Variants in ANXA2 observed in about 807,000 individuals in gnomAD.
The protein encoded by ANXA2 is annexin II.
In ANXA2, 28 loss-of-function variants were observed where a neutral mutation model predicts 47.3. The observed-to-expected ratio is 0.59, with a 90% CI of 0.44 to 0.81. The LOEUF (loss-of-function observed/expected upper bound fraction) is 0.81. Among genes scored for constraint, ANXA2 ranks in the 40% least tolerant of loss-of-function variants. The pLI, the probability that ANXA2 is intolerant of heterozygous loss-of-function variation, is 0.00. For synonymous variants in ANXA2, 172 were observed against 155.5 expected, an observed-to-expected ratio of 1.11 and a Z score of -0.79; for missense variants, 384 against 414.3, an observed-to-expected ratio of 0.93 and a Z score of 0.64.
At position 60,357,338 on chromosome 15, in the gene ANXA2, G is replaced by A. The variant is rs1246197804; in HGVS notation, c.358-102C>T. The A allele has an allele frequency of 1.4e-5, 12 of 878,146 alleles. No homozygotes were observed. In the East Asian group the frequency reaches 1.5e-4, roughly 11 times the overall value. The allele number at this position is 878,146 out of a possible 1,614,324, so 54.4% of individuals were successfully genotyped here. ...TAAATTGCAAACATGGATTGGGTCT[G>A]TTAGCATCCTGCTTTCTACATTCCT... On this transcript the variant is annotated intron_variant, in intron 5 of 12. Transcript: ENST00000451270.
rs569776717 is a variant in ANXA2 at position 60,352,480 on chromosome 15, C to T, written c.589-4G>A. The T allele has an allele frequency of 9.3e-6, 15 of 1,608,160 alleles. No homozygotes were observed. Among genetic ancestry groups the T allele is most frequent in the East Asian group, 4.5e-5 (2 of 44,832 alleles). Reference sequence around the variant, plus strand: ...TCACTCCAGCGTCATAGAGATCCTACGAGTACAACCAACCAGGAAAAGTTA... The same window carrying T: ...TCACTCCAGCGTCATAGAGATCCTATGAGTACAACCAACCAGGAAAAGTTA... On this transcript the variant is annotated splice_polypyrimidine_tract_variant and splice_region_variant and intron_variant, in intron 8 of 12. Coordinates refer to ENST00000451270, the MANE Select transcript of ANXA2 (RefSeq NM_004039.3). The surrounding 1 kb of genome is among the most constrained non-coding windows in gnomAD (Gnocchi z 4.2).
chr15:60,347,859 G>A (rs1364601633), intron 12 of ANXA2, among the ~76,000 whole-genome samples, 170 bp from the exon 13 acceptor site: 2 of 152,218 alleles, frequency 1.3e-5, no homozygotes, highest in African/African-American at 4.8e-5. Context: ...CCAAACCATT[G>A]CCAGGGAAGC....
intron 12 of ANXA2, 121 bp downstream of exon 12, chr15:60,348,952 ATC>A: frequency 9.0e-7 from 1 of 1,116,326 alleles, no homozygotes; most frequent in East Asian, 2.4e-5. Flanking sequence ...GATGACTAGC[ATC>A]TCTTCCCCAG....
chr15:60,373,577 C>T (rs1270726426), intron 3 of ANXA2, among the ~76,000 whole-genome samples: 1 of 152,182 alleles, frequency 6.6e-6, no homozygotes, highest in Admixed American at 6.5e-5. Context: ...CTCATCAAGA[C>T]AGGACACCCA....
chr15:60,349,871 G>A (rs542736414), intron 11 of ANXA2, among the ~76,000 whole-genome samples: 50 of 111,310 alleles, frequency 4.5e-4, no homozygotes, highest in African/African-American at 1.0e-3. Flanking sequence ...GGGAGGCAGG[G>A]GAAGGCAAGG....
chr15:60,376,684 G>A (rs1385383356), intron 3 of ANXA2, among the ~76,000 whole-genome samples: 4 of 152,190 alleles, frequency 2.6e-5, no homozygotes, highest in Non-Finnish European at 5.9e-5. Context: ...AGGTGTGACT[G>A]ACAGTTCGTC....
At position 60,354,216 on chromosome 15, in the gene ANXA2, A is replaced by G. The variant is rs2062390163; in HGVS notation, c.529-3T>C. Reference sequence around the variant, plus strand: ...GAGCCATCCTCTGCTCTTCTACCCTATGGGGGAAAGAAAAAGAACTTCAAA... The same window carrying G: ...GAGCCATCCTCTGCTCTTCTACCCTGTGGGGGAAAGAAAAAGAACTTCAAA... On this transcript the variant is annotated splice_region_variant and splice_polypyrimidine_tract_variant and intron_variant, in intron 7 of 12. Coordinates refer to ENST00000451270, the MANE Select transcript of ANXA2 (RefSeq NM_004039.3). The G allele has an allele frequency of 6.2e-7, 1 of 1,605,026 alleles. No homozygotes were observed. The highest frequency in any genetic ancestry group is 8.5e-7 in the Non-Finnish European group (1 of 1,176,150).
intron 3 of ANXA2, among the ~76,000 whole-genome samples, chr15:60,375,333 C>T (rs1404440107): frequency 2.0e-5 from 3 of 152,150 alleles, no homozygotes; most frequent in African/African-American, 7.2e-5. Context: ...ATTACCCTCC[C>T]CTTCCAGAGA....
At chr15:60,364,287 G>A (rs1269704865) in intron 4 of ANXA2, 142 bp downstream of exon 4, 22 of 710,086 alleles carry the variant, frequency 3.1e-5, no homozygotes, top group South Asian at 4.9e-5. Flanking sequence ...CTCTTACAAG[G>A]ATTTAAGAAG....
chr15:60,368,914 G>T (rs1366105680), intron 3 of ANXA2, among the ~76,000 whole-genome samples: 1 of 152,178 alleles, frequency 6.6e-6, no homozygotes, highest in African/African-American at 2.4e-5. Context: ...ATTCTCTTCA[G>T]TTTCCAAACA....
chr15:60,397,353 A>G (rs2063094366), intron 1 of ANXA2: 1 of 983,844 alleles, frequency 1.0e-6, no homozygotes, highest in Non-Finnish European at 1.2e-6. Context: ...AGCAAGGGGA[A>G]TAACTGACGT....
At chr15:60,367,390 A>G (rs1241630653) in intron 3 of ANXA2, among the ~76,000 whole-genome samples, 2 of 10,824 alleles carry the variant, frequency 1.8e-4, no homozygotes, top group African/African-American at 4.6e-4. Context: ...TCCGGGAGGG[A>G]GGCGGGGGGG....
At position 60,394,879 on chromosome 15, in the gene ANXA2, T is replaced by C. The variant is rs115677987; in HGVS notation, c.-12+3064A>G. Among the ~76,000 whole-genome samples, 406 of 152,182 alleles carry C rather than the reference T, an allele frequency of 2.7e-3. 1 individual carries two copies. The highest frequency in any genetic ancestry group is 9.3e-3 in the African/African-American group (385 of 41,520). ...TCTGGCAACAGCAGAAGAAAAAAGATACCAGGCAGTGAATGGGTGGAAAGA... is the reference window on the plus strand; with the variant it reads ...TCTGGCAACAGCAGAAGAAAAAAGACACCAGGCAGTGAATGGGTGGAAAGA... On this transcript the variant is annotated intron_variant, in intron 1 of 12. Transcript: ENST00000451270.
At chr15:60,371,874 G>T (rs1002578218) in intron 3 of ANXA2, among the ~76,000 whole-genome samples, 1 of 152,148 alleles carries the variant, frequency 6.6e-6, no homozygotes, top group Non-Finnish European at 1.5e-5. Flanking sequence ...ACCTTTTGCC[G>T]GGCGCGGTGG....
chr15:60,357,229 C>T lies in ANXA2; in HGVS notation c.365G>A (p.Gly122Glu). Residue 122 changes from glycine to glutamate, a missense_variant, in exon 6 of 13, where the codon GGA becomes GAA. Physicochemically the swap from Gly to Glu is moderately conservative, Grantham distance 98. Transcript: ENST00000451270. ...CTCAATGAGAGAGTCCTCGTCGGTT[C>T]CCAGCCCCTGTGAACCAGGAAGCAC... Reference protein sequence around the residue: ...SELKASMKGLGTDEDSLIEII... With the variant: ...SELKASMKGLETDEDSLIEII... The T allele has an allele frequency of 6.2e-7, 1 of 1,614,076 alleles. No individual in the cohort carries two copies. The highest frequency in any genetic ancestry group is 8.5e-7 in the Non-Finnish European group (1 of 1,179,976).
chr15:60,371,150 G>T (rs192413703), intron 3 of ANXA2, among the ~76,000 whole-genome samples: 1 of 152,158 alleles, frequency 6.6e-6, no homozygotes, highest in Admixed American at 6.5e-5. Context: ...GCATTTACTC[G>T]TTGAACGAAA....
chr15:60,371,663 C>G (rs189416158), intron 3 of ANXA2, among the ~76,000 whole-genome samples: 1 of 152,164 alleles, frequency 6.6e-6, no homozygotes, highest in African/African-American at 2.4e-5. Flanking sequence ...CAAAGGAAAA[C>G]TGTCCAGATC....
At chr15:60,355,117 G>A (rs570933099) in intron 7 of ANXA2, among the ~76,000 whole-genome samples, 2 of 152,302 alleles carry the variant, frequency 1.3e-5, no homozygotes, top group Admixed American at 6.5e-5. Context: ...CGGGAAAGAT[G>A]AGCAAAGAAG....
At chr15:60,394,147 AG>A (rs372505810) in intron 1 of ANXA2, among the ~76,000 whole-genome samples, 59 of 152,292 alleles carry the variant, frequency 3.9e-4, no homozygotes, top group African/African-American at 1.4e-3. Flanking sequence ...CTCTGTCCAT[AG>A]GACCACATGG....
Sources: allele counts gnomAD v4.1 joint callset (sites outside exome capture counted in the v4.1 genomes callset), GRCh38; gene constraint gnomAD v4.1.1; non-coding constraint Gnocchi (gnomAD v3.1); transcripts MANE v1.5; gene names NCBI Gene and HGNC (gene_info 2026-07-23, HGNC 2026-07-21).